DGKB: variants seen among roughly 807,000 people sequenced by gnomAD.
The protein encoded by DGKB is 90 kDa diacylglycerol kinase.
DGKB carries 67 observed loss-of-function variants against 114.3 expected under a neutral mutation model. That is an observed-to-expected ratio of 0.59 (90% CI 0.48 to 0.72). The LOEUF is 0.72. DGKB is among the 30% of genes least tolerant of loss of function. The pLI, the probability that DGKB is intolerant of heterozygous loss-of-function variation, is 0.00. For missense variants in DGKB, 907 were observed against 975.2 expected (o/e 0.93, Z 0.93); for synonymous variants, 398 against 323.1 (o/e 1.23, Z -2.49).
At chr7:14,160,231 C>G (rs1244342178) in intron 25 of DGKB, among the ~76,000 whole-genome samples, 1 of 152,140 alleles carries the variant, frequency 6.6e-6, no homozygotes, top group African/African-American at 2.4e-5. Flanking sequence ...AAGATATCCT[C>G]TCTCACCACT....
chr7:14,498,322 C>T (rs540308481), intron 20 of DGKB, among the ~76,000 whole-genome samples: 38 of 151,824 alleles, frequency 2.5e-4, no homozygotes, highest in Admixed American at 3.9e-4. Flanking sequence ...TTTAAAATTG[C>T]TCTGCTAAGG....
intron 25 of DGKB, among the ~76,000 whole-genome samples, chr7:14,157,902 TACAAC>T: frequency 6.6e-6 from 1 of 152,206 alleles, no homozygotes; most frequent in African/African-American, 2.4e-5. Context: ...AGAGAATATT[TACAAC>T]TTGTGACTTG....
At chr7:14,190,330 T>C (rs1784113399) in intron 23 of DGKB, among the ~76,000 whole-genome samples, 1 of 152,154 alleles carries the variant, frequency 6.6e-6, no homozygotes, top group Non-Finnish European at 1.5e-5. Context: ...ATTAAAATTT[T>C]CTTGAGACAA....
chr7:14,301,109 T>A (rs966289507), intron 23 of DGKB, among the ~76,000 whole-genome samples: 1 of 152,168 alleles, frequency 6.6e-6, no homozygotes, highest in African/African-American at 2.4e-5. Flanking sequence ...AGATTACACT[T>A]TTTCTGAAGT....
At position 14,700,212 on chromosome 7, in the gene DGKB, ATTT is replaced by A. The variant is rs3071277; in HGVS notation, c.516+1466_516+1468del. 7.3e-3 allele frequency among the ~76,000 whole-genome samples: 960 copies of A among 131,190 alleles called. 12 individuals carry two copies. Among genetic ancestry groups the A allele is most frequent in the African/African-American group, 0.024 (886 of 36,394 alleles). The allele number at this position is 131,190 out of a possible 152,430, so 86.1% of individuals were successfully genotyped here. On this transcript the variant is annotated intron_variant, in intron 7 of 25. Transcript: ENST00000402815. ...TAAAAATAATAGCATTTGAAAAAAAATTTTTTTTTTTTTTTTTTTGAGATGGAG... is the reference window on the plus strand; with the variant it reads ...TAAAAATAATAGCATTTGAAAAAAAATTTTTTTTTTTTTTTTGAGATGGAG...
chr7:14,924,505 T>A (rs1421335240), intron 1 of DGKB, among the ~76,000 whole-genome samples: 1 of 152,174 alleles, frequency 6.6e-6, no homozygotes, highest in African/African-American at 2.4e-5. Flanking sequence ...GATATATCCA[T>A]TAGACTCTTT....
At chr7:14,477,749 G>T (rs1165561502) in intron 21 of DGKB, among the ~76,000 whole-genome samples, 2 of 152,076 alleles carry the variant, frequency 1.3e-5, no homozygotes, top group African/African-American at 4.8e-5. Flanking sequence ...AGGCCAATTT[G>T]AAGCTGATAG....
chr7:14,617,041 A>G (rs1397246413), intron 15 of DGKB, among the ~76,000 whole-genome samples: 2 of 151,732 alleles, frequency 1.3e-5, no homozygotes, highest in Non-Finnish European at 3.0e-5. Flanking sequence ...TTTAAAGAGC[A>G]TGATTTTAGA....
chr7:14,500,045 G>A (rs1046313386), intron 20 of DGKB, among the ~76,000 whole-genome samples: 1 of 151,816 alleles, frequency 6.6e-6, no homozygotes, highest in Non-Finnish European at 1.5e-5. Context: ...CCCTTGTGGA[G>A]TTAATATTCA....
chr7:14,959,390 TA>T (rs1786709394), intron 1 of DGKB, among the ~76,000 whole-genome samples: 1 of 149,738 alleles, frequency 6.7e-6, no homozygotes, highest in Non-Finnish European at 1.5e-5. Flanking sequence ...TTTTTTTTTT[TA>T]AATGTGTGTT....
At chr7:14,841,084 C>T (rs1165642560) in intron 2 of DGKB, 110 bp downstream of exon 2, 7 of 938,562 alleles carry the variant, frequency 7.5e-6, no homozygotes, top group South Asian at 1.9e-5. Flanking sequence ...AAAGGCAGAG[C>T]TGGATCTATC....
chr7:14,320,589 CAT>C (rs1004819231), intron 23 of DGKB, among the ~76,000 whole-genome samples: 2 of 151,168 alleles, frequency 1.3e-5, no homozygotes, highest in African/African-American at 4.9e-5. Flanking sequence ...ATATATAGTA[CAT>C]ATATATAGTA....
chr7:14,364,482 T>C (rs1583426294), intron 21 of DGKB, among the ~76,000 whole-genome samples: 1 of 152,038 alleles, frequency 6.6e-6, no homozygotes, highest in African/African-American at 2.4e-5. Flanking sequence ...CTGTATTCTT[T>C]TTGTTACATT....
At chr7:14,455,093 T>C (rs1466598646) in intron 21 of DGKB, among the ~76,000 whole-genome samples, 1 of 152,058 alleles carries the variant, frequency 6.6e-6, no homozygotes, top group East Asian at 1.9e-4. Context: ...CAACCATCAA[T>C]ATACTTTTTA....
intron 23 of DGKB, among the ~76,000 whole-genome samples, chr7:14,329,341 A>C (rs1809302375): frequency 6.6e-6 from 1 of 151,928 alleles, no homozygotes; most frequent in African/African-American, 2.4e-5. Flanking sequence ...TAGAAAACAA[A>C]ATATAAATAA....
intron 23 of DGKB, among the ~76,000 whole-genome samples, chr7:14,237,544 T>C (rs1244726125): frequency 1.3e-5 from 2 of 151,934 alleles, no homozygotes; most frequent in Admixed American, 1.3e-4. Context: ...AGATAATATA[T>C]ATTTTATTAT....
intron 1 of DGKB, among the ~76,000 whole-genome samples, chr7:14,942,786 AT>A (rs1203220061): frequency 6.6e-6 from 1 of 151,948 alleles, no homozygotes; most frequent in East Asian, 1.9e-4. Flanking sequence ...AAAATTCAAT[AT>A]TTTTTTCAAA....
intron 1 of DGKB, among the ~76,000 whole-genome samples, chr7:14,900,514 G>A (rs1782845758): frequency 6.6e-6 from 1 of 152,074 alleles, no homozygotes; most frequent in African/African-American, 2.4e-5. Flanking sequence ...TCAGTAGGCA[G>A]AATTAGATTT....
At chr7:14,789,157 C>G (rs1840311821) in intron 2 of DGKB, among the ~76,000 whole-genome samples, 1 of 151,752 alleles carries the variant, frequency 6.6e-6, no homozygotes, top group Admixed American at 6.6e-5. Flanking sequence ...TCTCGTGTGT[C>G]CTTTCCTCAT....
Sources: gnomAD v4.1 joint callset for allele counts (sites outside exome capture counted in the v4.1 genomes callset) on GRCh38, gnomAD v4.1.1 for gene constraint, MANE v1.5 for transcripts, NCBI Gene and HGNC (gene_info 2026-07-23, HGNC 2026-07-21) for gene names.